The following DAAM1 variants were observed in gnomAD, a reference collection of about 807,000 sequenced individuals.
DAAM1 encodes the protein disheveled-associated activator of morphogenesis 1.
A neutral mutation model predicts 130.0 loss-of-function variants in DAAM1; 52 were observed. That is an observed-to-expected ratio of 0.40 (90% confidence interval 0.32 to 0.50). The LOEUF is 0.50. Among genes scored for constraint, DAAM1 ranks in the 20% least tolerant of loss-of-function variants. The pLI is 0.61. For synonymous variants in DAAM1, 452 were observed against 444.5 expected (o/e 1.02, Z -0.21); for missense variants, 1,134 against 1,303.8 (o/e 0.87, Z 2.01).
chr14:59,348,023 G>T (rs1425315608), intron 17 of DAAM1, among the ~76,000 whole-genome samples: 1 of 152,178 alleles, frequency 6.6e-6, no homozygotes, highest in African/African-American at 2.4e-5. Context: ...AATGTAATTT[G>T]TGTCTTGGTC....
intron 1 of DAAM1, among the ~76,000 whole-genome samples, chr14:59,263,218 T>C (rs948363145): frequency 3.9e-5 from 6 of 152,134 alleles, no homozygotes; most frequent in Non-Finnish European, 8.8e-5. Flanking sequence ...AGTTGTCCTG[T>C]TTGCTCAGCA....
At position 59,259,059 on chromosome 14, in the gene DAAM1, C is replaced by T. The variant is rs184278353; in HGVS notation, c.-37-4382C>T. Among the ~76,000 whole-genome samples the T allele has an allele frequency of 1.7e-4, 26 of 152,240 alleles. 1 individual carries two copies. The highest frequency in any genetic ancestry group is 5.3e-4 in the African/African-American group (22 of 41,548). On this transcript the variant is annotated intron_variant, in intron 1 of 24. Coordinates refer to ENST00000360909, the MANE Select transcript of DAAM1 (RefSeq NM_001270520.2). ...GACTGATTTTTAGATCTTAACGTTA[C>T]CCCCGACTTCTCGCCCCTCCTCAGT...
intron 2 of DAAM1, among the ~76,000 whole-genome samples, chr14:59,268,152 C>T (rs544820189): frequency 1.3e-5 from 2 of 152,242 alleles, no homozygotes; most frequent in African/African-American, 4.8e-5. Flanking sequence ...CCGCCCACCT[C>T]AGCCTCCCAA....
intron 14 of DAAM1, 140 bp from the exon 15 acceptor site, chr14:59,331,673 A>G: frequency 3.3e-6 from 5 of 1,499,218 alleles, no homozygotes; most frequent in Non-Finnish European, 3.6e-6. Context: ...TCTGAAATAA[A>G]TGACACATTG....
intron 3 of DAAM1, among the ~76,000 whole-genome samples, chr14:59,314,046 T>A (rs1472326039): frequency 6.6e-6 from 1 of 152,246 alleles, no homozygotes; most frequent in Non-Finnish European, 1.5e-5. Context: ...GAAATTGCAT[T>A]TCTTTTATTC....
intron 1 of DAAM1, among the ~76,000 whole-genome samples, chr14:59,222,077 T>C (rs1456676945): frequency 6.6e-6 from 1 of 152,186 alleles, no homozygotes; most frequent in Non-Finnish European, 1.5e-5. Context: ...GTCAGCTACG[T>C]AGCATGTAAC....
intron 2 of DAAM1, among the ~76,000 whole-genome samples, chr14:59,280,138 G>A (rs1367639954): frequency 1.3e-5 from 2 of 152,052 alleles, no homozygotes; most frequent in East Asian, 3.8e-4. Flanking sequence ...GCTGACATGA[G>A]TATAAGATGG....
At chr14:59,333,228 T>C (rs185123866) in intron 15 of DAAM1, among the ~76,000 whole-genome samples, 2 of 152,218 alleles carry the variant, frequency 1.3e-5, no homozygotes, top group Admixed American at 1.3e-4. Flanking sequence ...AATACAAAAA[T>C]AGAGGCGGTT....
At chr14:59,358,965 A>AC (rs1886598143) in intron 20 of DAAM1, among the ~76,000 whole-genome samples, 1 of 152,018 alleles carries the variant, frequency 6.6e-6, no homozygotes, top group Admixed American at 6.6e-5. Flanking sequence ...ACTCCACTCC[A>AC]CCCAAGCCTA....
At chr14:59,233,407 T>C (rs1225265143) in intron 1 of DAAM1, among the ~76,000 whole-genome samples, 2 of 152,242 alleles carry the variant, frequency 1.3e-5, no homozygotes, top group Non-Finnish European at 2.9e-5. Context: ...GAGATTTTTT[T>C]CCTATATTTG....
intron 1 of DAAM1, among the ~76,000 whole-genome samples, chr14:59,224,610 A>G (rs999097485): frequency 2.6e-5 from 4 of 152,236 alleles, no homozygotes; most frequent in African/African-American, 9.6e-5. Flanking sequence ...AGATGAGACT[A>G]TGGACTTTAA....
At chr14:59,195,180 G>T (rs1159234538) in intron 1 of DAAM1, among the ~76,000 whole-genome samples, 3 of 118,974 alleles carry the variant, frequency 2.5e-5, no homozygotes, top group Admixed American at 1.1e-4. Context: ...ATCTTGCTCT[G>T]TCGCCCAGGC....
intron 1 of DAAM1, among the ~76,000 whole-genome samples, chr14:59,214,309 A>G (rs568008437): frequency 6.6e-6 from 1 of 152,324 alleles, no homozygotes; most frequent in Admixed American, 6.5e-5. Context: ...AATGTTTTGC[A>G]TTTAGATTCT....
intron 3 of DAAM1, among the ~76,000 whole-genome samples, chr14:59,302,749 G>T (rs1884221274): frequency 6.6e-6 from 1 of 152,120 alleles, no homozygotes; most frequent in Non-Finnish European, 1.5e-5. Flanking sequence ...CACCTTCCAG[G>T]TTCATGTAAT....
Position 59,326,640 on chromosome 14 carries a change from C to T in DAAM1, c.1305C>T (p.Val435=), listed in dbSNP as rs752222616. Residue 435 remains valine (V), a synonymous_variant, in exon 11 of 25, where the codon GTC becomes GTT. Coordinates refer to ENST00000360909, the MANE Select transcript of DAAM1 (RefSeq NM_001270520.2). ...TPLENFNIKN[V]VRMLVNENEV... is the part of the protein sequence containing the mutation. ...TGGAAAACTTTAATATTAAGAATGT[C>T]GTACGAATGTAAGTCTCTTCTTATT... 6.5e-5 allele frequency: 105 copies of T among 1,611,858 alleles called. No individual in the cohort carries two copies. Among genetic ancestry groups the T allele is most frequent in the Admixed American group, 5.0e-5 (3 of 59,530 alleles).
At chr14:59,341,201 G>A (rs979504619) in intron 16 of DAAM1, among the ~76,000 whole-genome samples, 7 of 152,150 alleles carry the variant, frequency 4.6e-5, no homozygotes, top group Admixed American at 3.3e-4. Flanking sequence ...GAATTGTAAT[G>A]CAACTAGTAA....
chr14:59,252,063 G>C (rs962074827), intron 1 of DAAM1, among the ~76,000 whole-genome samples: 6 of 152,128 alleles, frequency 3.9e-5, no homozygotes, highest in African/African-American at 9.7e-5. Context: ...TTCAACTCAG[G>C]ACTCACCATA....
intron 17 of DAAM1, among the ~76,000 whole-genome samples, chr14:59,348,082 T>C (rs1344615468): frequency 6.6e-6 from 1 of 152,242 alleles, no homozygotes; most frequent in African/African-American, 2.4e-5. Flanking sequence ...AACACTGTCA[T>C]CTGTATCTAA....
rs573007169 is a variant in DAAM1 at position 59,286,422 on chromosome 14, A to G, written c.184-4795A>G. 2.0e-5 allele frequency among the ~76,000 whole-genome samples: 3 copies of G among 152,288 alleles called. No homozygotes were observed. The East Asian group carries it at 5.8e-4, about 29-fold the overall frequency. On this transcript the variant is annotated intron_variant, in intron 2 of 24. Transcript: ENST00000360909. ...AGCTAGCAGGAGAAAAGAAATAACCAAAATCAGAGCTAAACTGAATGAAAT... is the reference window on the plus strand; with the variant it reads ...AGCTAGCAGGAGAAAAGAAATAACCGAAATCAGAGCTAAACTGAATGAAAT...
Sources: gnomAD v4.1 joint callset for allele counts (sites outside exome capture counted in the v4.1 genomes callset) on GRCh38, gnomAD v4.1.1 for gene constraint, MANE v1.5 for transcripts, NCBI Gene and HGNC (gene_info 2026-07-23, HGNC 2026-07-21) for gene names.